Variants in GALK2 observed in about 807,000 individuals in gnomAD.
GALK2 encodes N-acetylgalactosamine kinase.
A neutral mutation model predicts 52.4 loss-of-function variants in GALK2; 36 were observed. The ratio of observed to expected loss-of-function variants is 0.69; its 90% CI spans 0.53 to 0.91. GALK2 has a LOEUF of 0.91. Among genes scored for constraint, GALK2 ranks in the 40% least tolerant of loss-of-function variants. The pLI, the probability that GALK2 is intolerant of heterozygous loss-of-function variation, is 0.00. For missense variants in GALK2, 579 were observed against 559.1 expected (o/e 1.04, Z -0.36); for synonymous variants, 176 against 199.1 (o/e 0.88, Z 0.98).
intron 5 of GALK2, among the ~76,000 whole-genome samples, chr15:49,276,742 C>T (rs947399548): frequency 6.6e-6 from 1 of 152,154 alleles, no homozygotes; most frequent in Non-Finnish European, 1.5e-5. Flanking sequence ...GCACCAGATC[C>T]CTTCATTAAT....
chr15:49,288,230 G>A (rs1258091494), intron 7 of GALK2, among the ~76,000 whole-genome samples: 2 of 152,132 alleles, frequency 1.3e-5, no homozygotes, highest in Non-Finnish European at 2.9e-5. Flanking sequence ...TTATGTTGAA[G>A]AATAAAATGT....
At chr15:49,214,753 T>C (rs948952823) in intron 2 of GALK2, among the ~76,000 whole-genome samples, 3 of 152,218 alleles carry the variant, frequency 2.0e-5, no homozygotes, top group African/African-American at 7.2e-5. Context: ...ATGAGTGTTT[T>C]AACACTATAG....
rs187209583 is a variant in GALK2, at chr15:49,247,779, T to A, written c.504+8412T>A. Reference sequence around the variant, plus strand: ...TTCTCTGAGCCAGACTTAAAATATGTGTCAGCCAAGGCCTAGAAATTCTCT... The same window carrying A: ...TTCTCTGAGCCAGACTTAAAATATGAGTCAGCCAAGGCCTAGAAATTCTCT... On this transcript the variant is annotated intron_variant, in intron 5 of 9. Transcript: ENST00000560031. Among the ~76,000 whole-genome samples, 220 of 152,336 alleles carry A rather than the reference T, an allele frequency of 1.4e-3. 1 individual carries two copies. Among genetic ancestry groups the A allele is most frequent in the Non-Finnish European group, 2.5e-3 (170 of 68,020 alleles).
At position 49,292,464 on chromosome 15, in the gene GALK2, G is replaced by C; in HGVS notation, c.894G>C (p.Glu298Asp). The C allele has an allele frequency of 6.2e-7, 1 of 1,614,050 alleles. No homozygotes were observed. Among genetic ancestry groups the C allele is most frequent in the Non-Finnish European group, 8.5e-7 (1 of 1,179,978 alleles). ...TTCATCCTGAACCCTATAACCCTGA[G>C]GAGATCTGCAGGTGTCTGGGAATTA... ...DALHPEPYNP[E>D]EICRCLGISL... Residue 298 changes from glutamate (E) to aspartate (D), a missense_variant, in exon 8 of 10, where the codon GAG becomes GAC. Coordinates refer to ENST00000560031, the MANE Select transcript of GALK2 (RefSeq NM_002044.4).
At chr15:49,251,153 C>G (rs1183050359) in intron 5 of GALK2, among the ~76,000 whole-genome samples, 2 of 152,164 alleles carry the variant, frequency 1.3e-5, no homozygotes, top group Non-Finnish European at 2.9e-5. Flanking sequence ...AGGTCAATCT[C>G]TCTCATGACA....
At chr15:49,191,622 T>G (rs2086729065) in intron 1 of GALK2, among the ~76,000 whole-genome samples, 1 of 152,202 alleles carries the variant, frequency 6.6e-6, no homozygotes, top group Non-Finnish European at 1.5e-5. Flanking sequence ...GCACATGATG[T>G]ATATGTCCCA....
At chr15:49,157,488 G>A (rs145563567) in intron 1 of GALK2, among the ~76,000 whole-genome samples, 5 of 152,302 alleles carry the variant, frequency 3.3e-5, no homozygotes, top group African/African-American at 9.6e-5. Context: ...AATTAGTGGT[G>A]TTTACGAAAT....
In GALK2 at chr15:49,286,032, G is replaced by A. The variant is rs12899828; in HGVS notation, c.756+2314G>A. Reference sequence around the variant, plus strand: ...ACCTGCCCAGGACATTCTTCCTTCAGCCCTCTTTGAAGTCTTAGTCTAAAT... The same window carrying A: ...ACCTGCCCAGGACATTCTTCCTTCAACCCTCTTTGAAGTCTTAGTCTAAAT... On this transcript the variant is annotated intron_variant, in intron 7 of 9. Transcript: ENST00000560031. Among the ~76,000 whole-genome samples the A allele has an allele frequency of 9.5e-3, 1,441 of 152,114 alleles. 50 individuals are homozygous for A. The East Asian group carries it at 0.1, about 11-fold the overall frequency.
chr15:49,297,089 C>A (rs1358685999), intron 8 of GALK2, among the ~76,000 whole-genome samples: 2 of 152,202 alleles, frequency 1.3e-5, no homozygotes, highest in Non-Finnish European at 2.9e-5. Context: ...AACTTGGCAA[C>A]ATCTGTTGTT....
intron 8 of GALK2, among the ~76,000 whole-genome samples, chr15:49,309,225 T>C (rs2035790207): frequency 6.6e-6 from 1 of 152,222 alleles, no homozygotes; most frequent in Admixed American, 6.5e-5. Flanking sequence ...CCACCTGGTT[T>C]CACGTTCTAA....
chr15:49,164,778 C>A, intron 1 of GALK2, among the ~76,000 whole-genome samples: 1 of 17,926 alleles, frequency 5.6e-5, no homozygotes. Context: ...AAAACTCCGT[C>A]TCAAAAAAAA....
chr15:49,250,004 A>T (rs7167852), intron 5 of GALK2, among the ~76,000 whole-genome samples: 37,594 of 152,100 alleles, frequency 0.25, 4,942 homozygotes, highest in African/African-American at 0.31. Flanking sequence ...GAGGTCCCGT[A>T]CTAGCCAATG....
chr15:49,337,818 C>T (rs777927662), intron 3 of GALK2, among the ~76,000 whole-genome samples: 3 of 152,082 alleles, frequency 2.0e-5, no homozygotes, highest in Non-Finnish European at 2.9e-5. Context: ...TGGTTTCCAG[C>T]TTCATCCATG....
chr15:49,279,343 C>T (rs1321299551), intron 5 of GALK2, among the ~76,000 whole-genome samples: 1 of 152,016 alleles, frequency 6.6e-6, no homozygotes, highest in African/African-American at 2.4e-5. Flanking sequence ...TGGTTTTTTC[C>T]TCTTAAGAGG....
At chr15:49,200,666 A>G (rs2087671181) in intron 1 of GALK2, among the ~76,000 whole-genome samples, 1 of 152,192 alleles carries the variant, frequency 6.6e-6, no homozygotes. Flanking sequence ...TTTCAGAGGT[A>G]CTACTGACCT....
chr15:49,278,137 T>G (rs540017134), intron 5 of GALK2, among the ~76,000 whole-genome samples: 3 of 152,108 alleles, frequency 2.0e-5, no homozygotes, highest in South Asian at 4.2e-4. Context: ...GGCGGGCGCC[T>G]GTAGTCCCAG....
intron 8 of GALK2, among the ~76,000 whole-genome samples, chr15:49,293,313 G>T (rs951799752): frequency 2.0e-5 from 3 of 152,176 alleles, no homozygotes; most frequent in African/African-American, 7.2e-5. Flanking sequence ...GAAAACTTTG[G>T]GATGAGATAA....
At chr15:49,322,979 A>G (rs2037025643) in intron 9 of GALK2, among the ~76,000 whole-genome samples, 1 of 147,748 alleles carries the variant, frequency 6.8e-6, no homozygotes, top group East Asian at 2.1e-4. Flanking sequence ...AAAAAAAAGA[A>G]AAAAAAAAAA....
At chr15:49,216,672 C>T (rs139170897) in intron 2 of GALK2, among the ~76,000 whole-genome samples, 50 of 152,342 alleles carry the variant, frequency 3.3e-4, no homozygotes, top group Non-Finnish European at 6.5e-4. Flanking sequence ...TTGGTTGGGA[C>T]TCAGGTTCCT....
Sources: allele counts gnomAD v4.1 joint callset (sites outside exome capture counted in the v4.1 genomes callset), GRCh38; gene constraint gnomAD v4.1.1; transcripts MANE v1.5; gene names NCBI Gene and HGNC (gene_info 2026-07-23, HGNC 2026-07-21).